The following SUSD1 variants were observed in gnomAD, a reference collection of about 807,000 sequenced individuals.
The protein encoded by SUSD1 is sushi domain containing 1.
SUSD1 carries 65 observed loss-of-function variants against 86.9 expected under a neutral mutation model. The ratio of observed to expected loss-of-function variants is 0.75; its 90% confidence interval spans 0.61 to 0.92. The LOEUF (loss-of-function observed/expected upper bound fraction) is 0.92, where lower values mean the gene tolerates loss of function less well. SUSD1 is among the 40% of genes least tolerant of loss of function. SUSD1 has a pLI of 0.00. For missense variants in SUSD1, 850 were observed against 929.7 expected (o/e 0.91, Z 1.11); for synonymous variants, 346 against 350.0 (o/e 0.99, Z 0.13).
intron 15 of SUSD1, among the ~76,000 whole-genome samples, chr9:112,047,264 A>G (rs755914634): frequency 5.9e-5 from 9 of 152,180 alleles, no homozygotes; most frequent in Admixed American, 3.3e-4. Context: ...ACCAAATCTC[A>G]TGAGAACTCT....
intron 10 of SUSD1, among the ~76,000 whole-genome samples, chr9:112,095,137 A>G (rs1403679723): frequency 6.6e-6 from 1 of 152,214 alleles, no homozygotes; most frequent in Non-Finnish European, 1.5e-5. Flanking sequence ...GCAGGTCGAG[A>G]GCTCTGTGAC....
intron 12 of SUSD1, among the ~76,000 whole-genome samples, chr9:112,065,270 C>T (rs538486410): frequency 2.6e-5 from 4 of 152,298 alleles, no homozygotes; most frequent in Admixed American, 1.3e-4. Context: ...TGCCTGTAAT[C>T]CCAGCACTTT....
intron 15 of SUSD1, among the ~76,000 whole-genome samples, chr9:112,042,515 T>A (rs1209297376): frequency 6.6e-6 from 1 of 152,188 alleles, no homozygotes; most frequent in African/African-American, 2.4e-5. Context: ...AAAGACATAC[T>A]TTCTATTTGG....
chr9:112,041,818 A>T (rs759167942), intron 16 of SUSD1, 49 bp downstream of exon 16: 19 of 1,565,354 alleles, frequency 1.2e-5, no homozygotes, highest in Non-Finnish European at 1.6e-5. Context: ...ACTCTGACCC[A>T]TCCTCCCCTC....
intron 14 of SUSD1, among the ~76,000 whole-genome samples, chr9:112,058,057 G>A (rs557896208): frequency 2.6e-5 from 4 of 152,310 alleles, no homozygotes; most frequent in South Asian, 2.1e-4. Context: ...CTTAATCTTC[G>A]GCTTCCCAGG....
rs150712711 is a variant in SUSD1 at position 112,142,336 on chromosome 9, T to G, written c.690A>C (p.Pro230=). The G allele has an allele frequency of 1.7e-4, 262 of 1,582,878 alleles. No homozygotes were observed. Among genetic ancestry groups the G allele is most frequent in the Non-Finnish European group, 2.2e-4 (251 of 1,166,168 alleles). The part of the protein sequence containing the change: ...SCTGLGTWES[P]KLHCQEINCG... Reference sequence around the variant, plus strand: ...AAAACTCACCTTGGCAATGTAATTTTGGGGACTCCCATGTGCCCAGGCCTG... The same window carrying G: ...AAAACTCACCTTGGCAATGTAATTTGGGGGACTCCCATGTGCCCAGGCCTG... The change falls in exon 5 of 17, where the codon CCA becomes CCC. Residue 230 remains proline, a synonymous_variant. Transcript: ENST00000374270.
intron 12 of SUSD1, among the ~76,000 whole-genome samples, chr9:112,068,030 A>T (rs1382493304): frequency 6.6e-6 from 1 of 152,194 alleles, no homozygotes; most frequent in Non-Finnish European, 1.5e-5. Flanking sequence ...TTCAACAAAC[A>T]CCCATTAGCC....
intron 12 of SUSD1, 52 bp from the exon 13 acceptor site, chr9:112,063,085 G>T: frequency 1.6e-6 from 2 of 1,222,890 alleles, no homozygotes; most frequent in Non-Finnish European, 2.4e-6. Flanking sequence ...CAAGTAAACA[G>T]CAGGACAAAA....
At chr9:112,170,322 CATG>C (rs1452416640) in intron 1 of SUSD1, among the ~76,000 whole-genome samples, 3 of 152,122 alleles carry the variant, frequency 2.0e-5, no homozygotes, top group Non-Finnish European at 4.4e-5. Context: ...GCATGAAATG[CATG>C]ATGAGTGAAG....
chr9:112,142,561 C>T, intron 4 of SUSD1, 62 bp from the exon 5 acceptor site: 1 of 1,502,816 alleles, frequency 6.7e-7, no homozygotes, highest in Non-Finnish European at 9.1e-7. Context: ...AATTCACAAT[C>T]TCTCTCCACC....
At chr9:112,087,809 A>C (rs183846759) in intron 10 of SUSD1, among the ~76,000 whole-genome samples, 91 of 152,352 alleles carry the variant, frequency 6.0e-4, no homozygotes, top group African/African-American at 1.9e-3. Context: ...TTAGTGTTTA[A>C]AACTACAATT....
intron 13 of SUSD1, 142 bp from the exon 14 acceptor site, chr9:112,058,828 T>C: frequency 9.9e-7 from 1 of 1,009,672 alleles, no homozygotes; most frequent in Non-Finnish European, 1.4e-6. Context: ...GGAGTCTTGC[T>C]CTGTCACTAG....
At position 112,175,091 on chromosome 9, in the gene SUSD1, G is replaced by A; in HGVS notation, c.103+42C>T. On this transcript the variant is annotated intron_variant, in intron 1 of 16. Coordinates refer to ENST00000374270, the MANE Select transcript of SUSD1 (RefSeq NM_022486.5). The surrounding 1 kb of genome is among the most constrained non-coding windows in gnomAD (Gnocchi z 4.7). ...CCCAGAGTCCTCGAGGCCCAGCCGG[G>A]GGCCCCGCCGGCCGCCCGTGCCCGT... The A allele has an allele frequency of 1.0e-6, 1 of 1,004,138 alleles. No homozygotes were observed. The highest frequency in any genetic ancestry group is 1.2e-6 in the Non-Finnish European group (1 of 843,644). 62.2% of individuals were successfully genotyped at this position (1,004,138 alleles called of 1,614,324 possible).
intron 1 of SUSD1, among the ~76,000 whole-genome samples, chr9:112,170,229 C>T (rs887040017): frequency 1.3e-5 from 2 of 152,166 alleles, no homozygotes; most frequent in Non-Finnish European, 2.9e-5. Context: ...AATCCACTCA[C>T]TCTATTTCTC....
intron 6 of SUSD1, 125 bp from the exon 7 acceptor site, chr9:112,112,993 C>A (rs1831169250): frequency 3.1e-6 from 2 of 645,520 alleles, no homozygotes; most frequent in East Asian, 5.6e-5. Context: ...CAGAGGCAGA[C>A]ACTGAGTCAG....
At chr9:112,136,184 C>T (rs1832254956) in intron 5 of SUSD1, among the ~76,000 whole-genome samples, 2 of 152,116 alleles carry the variant, frequency 1.3e-5, no homozygotes, top group Admixed American at 6.6e-5. Flanking sequence ...ATCAGTATAT[C>T]GTGAGGTGCC....
chr9:112,133,348 G>A (rs1254441015), intron 5 of SUSD1, among the ~76,000 whole-genome samples: 1 of 152,192 alleles, frequency 6.6e-6, no homozygotes, highest in Non-Finnish European at 1.5e-5. Flanking sequence ...AAAACAGCAT[G>A]GTACTGGTAC....
At chr9:112,130,737 A>G (rs1324993138) in intron 5 of SUSD1, among the ~76,000 whole-genome samples, 2 of 151,834 alleles carry the variant, frequency 1.3e-5, no homozygotes, top group Non-Finnish European at 2.9e-5. Flanking sequence ...AAAATCCTAC[A>G]AAGTAGCCAG....
At chr9:112,130,805 CT>C (rs1211499280) in intron 5 of SUSD1, among the ~76,000 whole-genome samples, 1 of 147,288 alleles carries the variant, frequency 6.8e-6, no homozygotes, top group Non-Finnish European at 1.5e-5. Context: ...GGGCAGATCA[CT>C]TTGAGCTCAG....
Sources: allele counts gnomAD v4.1 joint callset (sites outside exome capture counted in the v4.1 genomes callset), GRCh38; gene constraint gnomAD v4.1.1; non-coding constraint Gnocchi (gnomAD v3.1); transcripts MANE v1.5; gene names NCBI Gene and HGNC (gene_info 2026-07-23, HGNC 2026-07-21).